Variants in MYO1E observed in about 807,000 individuals in gnomAD.
The protein encoded by MYO1E is unconventional myosin-Ie.
MYO1E carries 68 observed loss-of-function variants against 151.1 expected under a neutral mutation model. The observed-to-expected ratio is 0.45, with a 90% confidence interval of 0.37 to 0.55. The LOEUF (loss-of-function observed/expected upper bound fraction) is 0.55. MYO1E is among the 20% of genes least tolerant of loss of function. The pLI is 0.00. For synonymous variants in MYO1E, 601 were observed against 501.7 expected, an observed-to-expected ratio of 1.20 and a Z score of -2.64; for missense variants, 1,363 against 1,389.3, an observed-to-expected ratio of 0.98 and a Z score of 0.30.
chr15:59,176,620 C>A (rs1448845757), intron 19 of MYO1E, among the ~76,000 whole-genome samples: 1 of 152,032 alleles, frequency 6.6e-6, no homozygotes, highest in Non-Finnish European at 1.5e-5. Flanking sequence ...TACCACCACA[C>A]CCAGCTAATT....
In MYO1E at chr15:59,352,718, A is replaced by G. The variant is rs191313978; in HGVS notation, c.3+19780T>C. ...GGTTTCTTAGTAATCGCTAGTTCCA[A>G]TAGCAGATTCTCTTCTATTCAACAG... is the stretch of plus-strand genomic sequence containing the variant. On this transcript the variant is annotated intron_variant, in intron 1 of 27. Transcript: ENST00000288235. 1.3e-3 allele frequency among the ~76,000 whole-genome samples: 197 copies of G among 152,336 alleles called. 3 individuals carry two copies. The highest frequency in any genetic ancestry group is 2.2e-4 in the Non-Finnish European group (15 of 68,040).
At chr15:59,146,516 T>C (rs796072549) in intron 26 of MYO1E, among the ~76,000 whole-genome samples, 1 of 152,150 alleles carries the variant, frequency 6.6e-6, no homozygotes, top group African/African-American at 2.4e-5. Flanking sequence ...GGGTTTCACA[T>C]GTTGGTCAGC....
intron 18 of MYO1E, among the ~76,000 whole-genome samples, chr15:59,181,979 C>T (rs577383477): frequency 3.3e-5 from 5 of 152,182 alleles, no homozygotes; most frequent in South Asian, 2.1e-4. Context: ...AGACAGTTGG[C>T]GGTGGACTCT....
rs1165104405 is a variant in MYO1E at position 59,209,813 on chromosome 15, ACCTTTTTTTTTT to A, written c.1362+689_1362+700del. On this transcript the variant is annotated intron_variant, in intron 13 of 27. Coordinates refer to ENST00000288235, the MANE Select transcript of MYO1E (RefSeq NM_004998.4). ...TTCTGTATCACTTTTATTTTGAATC[ACCTTTTTTTTTT>A]TTTTTTTTTTTTTTTTTTTTTTGAG... Among the ~76,000 whole-genome samples the A allele has an allele frequency of 4.8e-4, 34 of 71,180 alleles. 3 individuals carry two copies. The South Asian group carries it at 0.013, about 26-fold the overall frequency. The allele number at this position is 71,180 out of a possible 152,430, so 46.7% of individuals were successfully genotyped here.
At position 59,171,963 on chromosome 15, in the gene MYO1E, T is replaced by C. The variant is rs769559283; in HGVS notation, c.2414A>G (p.Lys805Arg). Residue 805 changes from lysine (K) to arginine (R), a missense_variant, in exon 22 of 28, where the codon AAG (lysine) becomes AGG (arginine). Coordinates refer to ENST00000288235, the MANE Select transcript of MYO1E (RefSeq NM_004998.4). Reference sequence around the variant, plus strand: ...CTTCAGGACTTCTTTCACCAGGCCCTTGTCTGGGCCCTGTTTGACTTTTTC... The same window carrying C: ...CTTCAGGACTTCTTTCACCAGGCCCCTGTCTGGGCCCTGTTTGACTTTTTC... ...GREKVKQGPD[K>R]GLVKEVLKRK... The C allele has an allele frequency of 5.0e-6, 8 of 1,614,102 alleles. No individual in the cohort carries two copies. The South Asian group carries it at 8.8e-5, about 18-fold the overall frequency.
intron 21 of MYO1E, among the ~76,000 whole-genome samples, chr15:59,172,697 G>A (rs3794494): frequency 0.42 from 64,303 of 152,138 alleles, 16,812 homozygotes; most frequent in Non-Finnish European, 0.6. Context: ...TTCTAAACAG[G>A]GGGCAGTGTC....
chr15:59,329,183 G>A (rs1370826699), intron 1 of MYO1E, among the ~76,000 whole-genome samples: 3 of 152,164 alleles, frequency 2.0e-5, no homozygotes, highest in Admixed American at 6.5e-5. Context: ...GACACTGCTG[G>A]AGGCACTGGG....
At chr15:59,302,104 A>G (rs2080486509) in intron 1 of MYO1E, among the ~76,000 whole-genome samples, 1 of 152,168 alleles carries the variant, frequency 6.6e-6, no homozygotes, top group Non-Finnish European at 1.5e-5. Flanking sequence ...AATTCTCAGG[A>G]AAGTCCCAGG....
chr15:59,288,442 G>A (rs576952922), intron 1 of MYO1E, among the ~76,000 whole-genome samples: 1 of 152,322 alleles, frequency 6.6e-6, no homozygotes, highest in Non-Finnish European at 1.5e-5. Flanking sequence ...CTCCCAAAGT[G>A]TTGGGATTAC....
chr15:59,137,208 C>G lies in MYO1E; in HGVS notation c.*172G>C. The G allele has an allele frequency of 1.5e-6, 1 of 667,036 alleles. No homozygotes were observed. Among genetic ancestry groups the G allele is most frequent in the South Asian group, 1.7e-5 (1 of 58,230 alleles). 41.3% of individuals were successfully genotyped at this position (667,036 alleles called of 1,614,324 possible). On this transcript the variant is annotated 3_prime_UTR_variant, in exon 28 of 28. Transcript: ENST00000288235. ...TTAGGATCACTTATGGAGTGATACT[C>G]CCTGTCCCCAACCCAGCCTTTTCAG...
chr15:59,170,219 A>C (rs1279890714), intron 22 of MYO1E, among the ~76,000 whole-genome samples: 1 of 152,208 alleles, frequency 6.6e-6, no homozygotes, highest in African/African-American at 2.4e-5. Flanking sequence ...AATTAGGATA[A>C]TTTATGGTCC....
At chr15:59,307,422 C>T (rs1220922858) in intron 1 of MYO1E, among the ~76,000 whole-genome samples, 1 of 152,156 alleles carries the variant, frequency 6.6e-6, no homozygotes, top group Non-Finnish European at 1.5e-5. Context: ...GGGCTGGCCA[C>T]CATGGGAAAG....
intron 4 of MYO1E, among the ~76,000 whole-genome samples, chr15:59,245,206 A>G (rs1424366541): frequency 6.6e-6 from 1 of 152,206 alleles, no homozygotes; most frequent in South Asian, 2.1e-4. Flanking sequence ...AAATACATCA[A>G]AGGCAGGAAG....
At chr15:59,356,887 T>TGTTTG (rs796558905) in intron 1 of MYO1E, among the ~76,000 whole-genome samples, 1 of 149,700 alleles carries the variant, frequency 6.7e-6, no homozygotes, top group African/African-American at 2.5e-5. Flanking sequence ...AAGTTTTTTT[T>TGTTTG]TTTGTTTGTT....
chr15:59,149,138 G>A (rs1346934336), intron 26 of MYO1E, among the ~76,000 whole-genome samples: 1 of 145,288 alleles, frequency 6.9e-6, no homozygotes. Flanking sequence ...CTCACTGCAA[G>A]CTCTGCCTCC....
Position 59,224,777 on chromosome 15 carries a change from G to A in MYO1E, c.689C>T (p.Thr230Ile), listed in dbSNP as rs1185710142. The A allele has an allele frequency of 6.2e-7, 1 of 1,614,058 alleles. No homozygotes were observed. The highest frequency in any genetic ancestry group is 1.3e-5 in the African/African-American group (1 of 74,922). Residue 230 changes from threonine (T) to isoleucine (I), a missense_variant, in exon 8 of 28, where the codon ACC (threonine) becomes ATC (isoleucine). Physicochemically the swap from Thr to Ile is moderately conservative, Grantham distance 89 (BLOSUM62 -1). Coordinates refer to ENST00000288235, the MANE Select transcript of MYO1E (RefSeq NM_004998.4). ...SAEQKHSLGI[T>I]SMDYYYYLSL... ...CAGGTAGTAATAATAGTCCATGCTG[G>A]TGATGCCAAGGCTGTGTTTCTGCTC...
chr15:59,138,294 G>A lies in MYO1E; in HGVS notation c.3154C>T (p.Gln1052Ter). The change falls in exon 27 of 28, where the codon CAG becomes TAG. Residue 1052 changes from glutamine to a stop codon, truncating the protein, a stop_gained. Transcript: ENST00000288235. LOFTEE classifies it high-confidence loss of function. ...TACAAAGCCTTGCACTGTGGCACCTGAGGCTTGGGCTTGGGCTGGGGCTTG... is the reference window on the plus strand; with the variant it reads ...TACAAAGCCTTGCACTGTGGCACCTAAGGCTTGGGCTTGGGCTGGGGCTTG... ...RPKPQPKPKP[Q>*]VPQCKALYAY... 2.5e-6 allele frequency: 4 copies of A among 1,614,254 alleles called. No homozygotes were observed. Among genetic ancestry groups the A allele is most frequent in the Non-Finnish European group, 3.4e-6 (4 of 1,180,046 alleles).
intron 1 of MYO1E, among the ~76,000 whole-genome samples, chr15:59,313,755 G>GA (rs1198912513): frequency 6.6e-6 from 1 of 152,184 alleles, no homozygotes; most frequent in Admixed American, 6.5e-5. Context: ...TTCACGAAGA[G>GA]AAAAATAGAA....
Position 59,352,230 on chromosome 15 carries a change from G to T in MYO1E, c.3+20268C>A, listed in dbSNP as rs186266528. Among the ~76,000 whole-genome samples, 69 of 152,298 alleles carry T rather than the reference G, an allele frequency of 4.5e-4. 1 individual carries two copies. Among genetic ancestry groups the T allele is most frequent in the Middle Eastern group, 3.4e-3 (1 of 294 alleles). On this transcript the variant is annotated intron_variant, in intron 1 of 27. Coordinates refer to ENST00000288235, the MANE Select transcript of MYO1E (RefSeq NM_004998.4). ...GAATCGCTCTTTAATTTTTGGTTGA[G>T]CAGGATAATTAGAGATGATTGAGTC...
Sources: gnomAD v4.1 joint callset for allele counts (sites outside exome capture counted in the v4.1 genomes callset) on GRCh38, gnomAD v4.1.1 for gene constraint, MANE v1.5 for transcripts, NCBI Gene and HGNC (gene_info 2026-07-23, HGNC 2026-07-21) for gene names.